Variants in KAZN observed in about 807,000 individuals in gnomAD.
KAZN encodes kazrin.
In KAZN, 40 loss-of-function variants were observed where a neutral mutation model predicts 87.4. The observed-to-expected ratio is 0.46, with a 90% CI of 0.36 to 0.60. KAZN has a LOEUF of 0.60. Ranked by LOEUF, KAZN falls within the 20% of genes least tolerant of loss-of-function variation. The probability of loss-of-function intolerance (pLI) is 0.00; values close to 1 mark genes in which losing one functional copy is unlikely to be tolerated. For synonymous variants in KAZN, 466 were observed against 458.3 expected, an observed-to-expected ratio of 1.02 and a Z score of -0.22; for missense variants, 898 against 1,073.9, an observed-to-expected ratio of 0.84 and a Z score of 2.29.
intron 1 of KAZN, among the ~76,000 whole-genome samples, chr1:14,688,206 T>TG (rs1641070803): frequency 6.6e-6 from 1 of 152,206 alleles, no homozygotes; most frequent in Non-Finnish European, 1.5e-5. Context: ...TTTCCCAAGT[T>TG]GCGTTCTAGC....
chr1:14,943,007 G>GGGGT lies in KAZN; in HGVS notation c.227-17676_227-17675insGGTG, dbSNP rs1378110387. 1.2e-3 allele frequency among the ~76,000 whole-genome samples: 126 copies of GGGGT among 100,864 alleles called. 1 individual carries two copies. In the East Asian group the frequency reaches 0.023, roughly 19 times the overall value. The allele number at this position is 100,864 out of a possible 152,430, so 66.2% of individuals were successfully genotyped here. ...ATGTGAGCTGCGTGTGTGTGTGTGT[G>GGGGT]GTGTGTGTGTGTGTGTGTGTGTGTG... On this transcript the variant is annotated intron_variant, in intron 1 of 14. Coordinates refer to ENST00000376030, the MANE Select transcript of KAZN (RefSeq NM_201628.3).
At position 14,737,204 on chromosome 1, in the gene KAZN, G is replaced by A. The variant is rs373597366; in HGVS notation, c.226+137981G>A. Among the ~76,000 whole-genome samples, 5 of 131,110 alleles carry A rather than the reference G, an allele frequency of 3.8e-5. No individual in the cohort carries two copies. The South Asian group carries it at 9.8e-4, about 26-fold the overall frequency. 86.0% of individuals were successfully genotyped at this position (131,110 alleles called of 152,430 possible). Reference sequence around the variant, plus strand: ...GTGGATCTCTGGGGAAGGCACGCACGGAGACCCTGAAGCCTCAGGGTGCTC... The same window carrying A: ...GTGGATCTCTGGGGAAGGCACGCACAGAGACCCTGAAGCCTCAGGGTGCTC... On this transcript the variant is annotated intron_variant, in intron 1 of 14. Transcript: ENST00000376030.
At chr1:13,922,742 G>A (rs12563157) in intron 1 of KAZN, among the ~76,000 whole-genome samples, 5,352 of 152,250 alleles carry the variant, frequency 0.035, 436 homozygotes, top group East Asian at 0.33. Flanking sequence ...GCTGGCATGA[G>A]GACAACGTGT....
intron 1 of KAZN, among the ~76,000 whole-genome samples, chr1:14,912,762 C>T (rs565162385): frequency 2.0e-5 from 3 of 152,218 alleles, no homozygotes; most frequent in South Asian, 2.1e-4. Flanking sequence ...TGTTGGCATC[C>T]GGTTTAAAAA....
chr1:14,346,408 C>T (rs970727537), intron 2 of KAZN, among the ~76,000 whole-genome samples: 2 of 152,120 alleles, frequency 1.3e-5, no homozygotes, highest in Admixed American at 6.6e-5. Flanking sequence ...CCTGTGCCCT[C>T]CTTTGCACCG....
intron 2 of KAZN, among the ~76,000 whole-genome samples, chr1:14,415,235 T>C (rs1664652618): frequency 6.6e-6 from 1 of 152,168 alleles, no homozygotes; most frequent in African/African-American, 2.4e-5. Context: ...TATAAAATAT[T>C]TTTTTAATTA....
In KAZN at chr1:15,048,089, A is replaced by C. The variant is rs189100486; in HGVS notation, c.726+3930A>C. On this transcript the variant is annotated intron_variant, in intron 4 of 14. Coordinates refer to ENST00000376030, the MANE Select transcript of KAZN (RefSeq NM_201628.3). ...AAAGCAGGTATTGGGGAAAGAGCCC[A>C]GGCTGGTGCCAAGTGAGGGGTGAGC... is the stretch of plus-strand genomic sequence containing the variant. Among the ~76,000 whole-genome samples the C allele has an allele frequency of 2.4e-3, 359 of 152,302 alleles. 1 individual carries two copies. The highest frequency in any genetic ancestry group is 8.3e-3 in the African/African-American group (347 of 41,568).
At chr1:14,898,626 A>G (rs1478235179) in intron 1 of KAZN, among the ~76,000 whole-genome samples, 1 of 152,158 alleles carries the variant, frequency 6.6e-6, no homozygotes, top group Non-Finnish European at 1.5e-5. Context: ...CCTCGCTTGT[A>G]CACACACATA....
chr1:14,694,336 G>A (rs1281334859), intron 1 of KAZN, among the ~76,000 whole-genome samples: 1 of 152,254 alleles, frequency 6.6e-6, no homozygotes, highest in African/African-American at 2.4e-5. Context: ...AAGGAAGAAG[G>A]AAAACTGCAT....
At chr1:14,955,162 A>C (rs996877174) in intron 1 of KAZN, among the ~76,000 whole-genome samples, 4 of 152,254 alleles carry the variant, frequency 2.6e-5, no homozygotes, top group African/African-American at 9.6e-5. Context: ...TTCCTCTGAG[A>C]AAGAAACACA....
intron 2 of KAZN, among the ~76,000 whole-genome samples, chr1:14,300,658 C>T (rs988628378): frequency 1.3e-5 from 2 of 152,182 alleles, no homozygotes; most frequent in Non-Finnish European, 2.9e-5. Flanking sequence ...AAGCACACTG[C>T]ACATGAGACA....
In KAZN at chr1:14,488,458, A is replaced by G. The variant is rs568502847; in HGVS notation, c.250-110525A>G. Among the ~76,000 whole-genome samples, 89 of 152,288 alleles carry G rather than the reference A, an allele frequency of 5.8e-4. 1 individual carries two copies. Among genetic ancestry groups the G allele is most frequent in the Non-Finnish European group, 3.5e-4 (24 of 68,018 alleles). On this transcript the variant is annotated intron_variant, in intron 2 of 16. Transcript: ENST00000636203. ...TTGCTTGGACTGAAATCCTGGTTCTACCATGTGCTGTGTGCAGACACAGGC... is the reference window on the plus strand; with the variant it reads ...TTGCTTGGACTGAAATCCTGGTTCTGCCATGTGCTGTGTGCAGACACAGGC...
intron 2 of KAZN, among the ~76,000 whole-genome samples, chr1:14,565,541 C>T (rs1371167805): frequency 2.0e-5 from 3 of 152,160 alleles, no homozygotes; most frequent in Non-Finnish European, 4.4e-5. Flanking sequence ...AACAATGAAG[C>T]TTGACACATT....
chr1:13,947,673 G>A (rs915992795), intron 1 of KAZN, among the ~76,000 whole-genome samples: 4 of 152,120 alleles, frequency 2.6e-5, no homozygotes, highest in Admixed American at 1.3e-4. Context: ...GAAATTTATC[G>A]TCTCACAGTT....
At chr1:14,640,043 T>C (rs956360875) in intron 1 of KAZN, among the ~76,000 whole-genome samples, 1 of 152,194 alleles carries the variant, frequency 6.6e-6, no homozygotes, top group Non-Finnish European at 1.5e-5. Context: ...GCTTGGAAAC[T>C]GGAAATCCAC....
intron 1 of KAZN, among the ~76,000 whole-genome samples, chr1:14,827,398 CCT>C (rs1646924189): frequency 1.3e-5 from 2 of 152,152 alleles, no homozygotes; most frequent in Non-Finnish European, 2.9e-5. Flanking sequence ...GCCTTTTATC[CCT>C]CACCTGCTTC....
At chr1:13,954,090 C>G (rs10803438) in intron 1 of KAZN, among the ~76,000 whole-genome samples, 17,186 of 152,194 alleles carry the variant, frequency 0.11, 1,145 homozygotes, top group Middle Eastern at 0.22. Context: ...CTGAGCAATA[C>G]ACGAACAACA....
chr1:14,034,874 G>A (rs1641481607), intron 1 of KAZN, among the ~76,000 whole-genome samples: 1 of 152,178 alleles, frequency 6.6e-6, no homozygotes, highest in South Asian at 2.1e-4. Context: ...GGGAAGTATT[G>A]AGCCCTGAAG....
intron 1 of KAZN, among the ~76,000 whole-genome samples, chr1:13,913,496 G>A (rs989346376): frequency 3.9e-5 from 6 of 152,290 alleles, no homozygotes; most frequent in Admixed American, 2.0e-4. Context: ...GCTGGATGGT[G>A]GGAGAGTTTG....
Sources: allele counts gnomAD v4.1 joint callset (sites outside exome capture counted in the v4.1 genomes callset), GRCh38; gene constraint gnomAD v4.1.1; transcripts MANE v1.5; gene names NCBI Gene and HGNC (gene_info 2026-07-23, HGNC 2026-07-21).